Variants in CNTNAP2 observed in about 807,000 individuals in gnomAD.
CNTNAP2 encodes contactin-associated protein-like 2.
In CNTNAP2, 98 loss-of-function variants were observed where a neutral mutation model predicts 155.2. That is an observed-to-expected ratio of 0.63 (90% CI 0.54 to 0.75). The LOEUF is 0.75. Among genes scored for constraint, CNTNAP2 ranks in the 30% least tolerant of loss-of-function variants. CNTNAP2 has a pLI of 0.00. For missense variants in CNTNAP2, 1,727 were observed against 1,688.1 expected, an observed-to-expected ratio of 1.02 and a Z score of -0.40; for synonymous variants, 651 against 631.2, an observed-to-expected ratio of 1.03 and a Z score of -0.47.
intron 21 of CNTNAP2, among the ~76,000 whole-genome samples, 185 bp from the exon 22 acceptor site, chr7:148,383,464 G>A (rs573126919): frequency 1.3e-5 from 2 of 152,170 alleles, no homozygotes; most frequent in African/African-American, 4.8e-5. Context: ...TTAACACAAG[G>A]TTCCTTTAAA....
chr7:146,710,311 G>A (rs530864983), intron 1 of CNTNAP2, among the ~76,000 whole-genome samples: 2 of 152,318 alleles, frequency 1.3e-5, no homozygotes, highest in South Asian at 4.1e-4. Flanking sequence ...TTGCTGCTTA[G>A]AAGTGCAACT....
chr7:148,148,423 A>G (rs1202769317), intron 17 of CNTNAP2, among the ~76,000 whole-genome samples: 1 of 152,230 alleles, frequency 6.6e-6, no homozygotes, highest in African/African-American at 2.4e-5. Context: ...GAGAATATTC[A>G]TATGTTAGGA....
chr7:148,104,542 T>C (rs1383169842), intron 15 of CNTNAP2, among the ~76,000 whole-genome samples: 3 of 152,176 alleles, frequency 2.0e-5, no homozygotes, highest in African/African-American at 7.2e-5. Flanking sequence ...CTCAGTCTTT[T>C]TACAGCTCAG....
intron 14 of CNTNAP2, among the ~76,000 whole-genome samples, chr7:147,949,398 C>T (rs1800881192): frequency 6.8e-6 from 1 of 147,788 alleles, no homozygotes; most frequent in Non-Finnish European, 1.5e-5. Context: ...TATAAGTGGA[C>T]TCACACAGTT....
Position 147,176,720 on chromosome 7 carries a change from AT to A in CNTNAP2, c.1348+44212del, listed in dbSNP as rs370645779. Among the ~76,000 whole-genome samples, 7 of 96,634 alleles carry A rather than the reference AT, an allele frequency of 7.2e-5. No homozygotes were observed. In the Admixed American group the frequency reaches 7.7e-4, roughly 11 times the overall value. The allele number at this position is 96,634 out of a possible 152,430, so 63.4% of individuals were successfully genotyped here. A position where few individuals can be genotyped will look rare whatever the true frequency, so the allele number is the denominator to read the frequency against. ...TATATATTATATATAATAGAATTATATATTATATATAATAGAATTATAATTA... is the reference window on the plus strand; with the variant it reads ...TATATATTATATATAATAGAATTATAATTATATATAATAGAATTATAATTA... On this transcript the variant is annotated intron_variant, in intron 8 of 23. Transcript: ENST00000361727.
intron 2 of CNTNAP2, among the ~76,000 whole-genome samples, chr7:146,830,358 A>G (rs917511658): frequency 6.6e-5 from 10 of 152,054 alleles, no homozygotes; most frequent in African/African-American, 2.4e-4. Context: ...GAGCTTGTGG[A>G]TTGCTGGCAA....
intron 13 of CNTNAP2, among the ~76,000 whole-genome samples, chr7:147,649,782 T>C (rs1016686686): frequency 1.3e-5 from 2 of 152,034 alleles, no homozygotes; most frequent in Non-Finnish European, 2.9e-5. Flanking sequence ...ACTTTTGGAC[T>C]ATTTTTCAAA....
rs1195182373 is a variant in CNTNAP2 at position 147,919,480 on chromosome 7, A to G, written c.2255+15759A>G. Among the ~76,000 whole-genome samples the G allele has an allele frequency of 1.5e-4, 2 of 13,682 alleles. 1 individual carries two copies. Among genetic ancestry groups the G allele is most frequent in the Admixed American group, 2.5e-3 (2 of 792 alleles). 9.0% of individuals were successfully genotyped at this position (13,682 alleles called of 152,430 possible). A position where few individuals can be genotyped will look rare whatever the true frequency, so the allele number is the denominator to read the frequency against. On this transcript the variant is annotated intron_variant, in intron 14 of 23. Transcript: ENST00000361727. ...CTTTCTTTTTTTTTTTTTTTTTGAG[A>G]CAGAGTCTTGCTCTGTCTCCCAGGC...
At chr7:147,414,040 C>T (rs1195823295) in intron 10 of CNTNAP2, among the ~76,000 whole-genome samples, 1 of 152,188 alleles carries the variant, frequency 6.6e-6, no homozygotes, top group African/African-American at 2.4e-5. Context: ...CTGTTTCTCA[C>T]TTGTATCACC....
intron 3 of CNTNAP2, among the ~76,000 whole-genome samples, chr7:146,906,167 G>A (rs979497478): frequency 3.3e-5 from 5 of 152,198 alleles, no homozygotes; most frequent in Non-Finnish European, 5.9e-5. Context: ...ACGGAGTCTC[G>A]CTGATTGCTA....
chr7:146,774,346 A>T lies in CNTNAP2; in HGVS notation c.173A>T (p.Tyr58Phe). The T allele has an allele frequency of 1.9e-6, 3 of 1,613,996 alleles. No homozygotes were observed. The South Asian group carries it at 3.3e-5, about 18-fold the overall frequency. Residue 58 changes from tyrosine to phenylalanine, a missense_variant, in exon 2 of 24, where the codon TAT becomes TTT. By Grantham distance (22) the Tyr-to-Phe change is conservative. Coordinates refer to ENST00000361727, the MANE Select transcript of CNTNAP2 (RefSeq NM_014141.6). ...AGCTCCTCCTCCATCTCTGGTAGCT[A>T]TTCTCCCGGCTATGCCAAGATAAAC... Reference protein sequence around the residue: ...FSSSSSISGSYSPGYAKINKR... With the variant: ...FSSSSSISGSFSPGYAKINKR...
chr7:147,329,296 A>G (rs1051119598), intron 9 of CNTNAP2, among the ~76,000 whole-genome samples: 6 of 152,214 alleles, frequency 3.9e-5, no homozygotes, highest in Non-Finnish European at 8.8e-5. Context: ...AATGTATAAC[A>G]TTCTTATAAG....
At chr7:147,764,759 C>A (rs1415537848) in intron 13 of CNTNAP2, among the ~76,000 whole-genome samples, 5 of 152,126 alleles carry the variant, frequency 3.3e-5, no homozygotes, top group African/African-American at 4.8e-5. Flanking sequence ...AATCACAACA[C>A]CTACAAGATG....
At chr7:147,998,434 A>G (rs1801845898) in intron 15 of CNTNAP2, among the ~76,000 whole-genome samples, 1 of 152,042 alleles carries the variant, frequency 6.6e-6, no homozygotes, top group Non-Finnish European at 1.5e-5. Flanking sequence ...TTGACTACCT[A>G]TCCTGCCTCA....
chr7:146,721,507 A>ATATATACATTCTATATATATTC (rs1563203673), intron 1 of CNTNAP2, among the ~76,000 whole-genome samples: 3 of 125,276 alleles, frequency 2.4e-5, no homozygotes, highest in Non-Finnish European at 4.7e-5. Context: ...TATATATTCT[A>ATATATACATTCTATATATATTC]TATATACATT....
chr7:147,131,519 G>A (rs551329411), intron 7 of CNTNAP2, among the ~76,000 whole-genome samples: 1 of 151,590 alleles, frequency 6.6e-6, no homozygotes, highest in Non-Finnish European at 1.5e-5. Context: ...AAGGGGAGGG[G>A]AAAGCCTGAA....
chr7:147,612,279 A>G (rs116655179), intron 12 of CNTNAP2, among the ~76,000 whole-genome samples: 1,767 of 152,308 alleles, frequency 0.012, 31 homozygotes, highest in African/African-American at 0.041. Flanking sequence ...GAATGTTTAT[A>G]TAAAGTTTAC....
intron 10 of CNTNAP2, among the ~76,000 whole-genome samples, chr7:147,443,203 G>A (rs1243326490): frequency 2.0e-5 from 3 of 152,162 alleles, no homozygotes; most frequent in African/African-American, 7.2e-5. Context: ...TGACCACTGG[G>A]ATCAGTGATT....
In CNTNAP2 at chr7:146,774,354, G is replaced by A. The variant is rs376929846; in HGVS notation, c.181G>A (p.Gly61Ser). 3.5e-5 allele frequency: 57 copies of A among 1,613,634 alleles called. No individual in the cohort carries two copies. Among genetic ancestry groups the A allele is most frequent in the African/African-American group, 1.1e-4 (8 of 74,844 alleles). ...CTCCATCTCTGGTAGCTATTCTCCC[G>A]GCTATGCCAAGATAAACAAGAGAGG... ...SSSISGSYSP[G>S]YAKINKRGGA... Residue 61 changes from glycine (G) to serine (S), a missense_variant, in exon 2 of 24, where the codon GGC becomes AGC. Physicochemically the swap from Gly to Ser is moderately conservative, Grantham distance 56. Transcript: ENST00000361727.
Sources: gnomAD v4.1 joint callset for allele counts (sites outside exome capture counted in the v4.1 genomes callset) on GRCh38, gnomAD v4.1.1 for gene constraint, MANE v1.5 for transcripts, NCBI Gene and HGNC (gene_info 2026-07-23, HGNC 2026-07-21) for gene names.